The following DHX38 variants were observed in gnomAD, a reference collection of about 807,000 sequenced individuals.
The protein encoded by DHX38 is pre-mRNA-splicing factor ATP-dependent RNA helicase PRP16.
A neutral mutation model predicts 153.1 loss-of-function variants in DHX38; 100 were observed. The ratio of observed to expected loss-of-function variants is 0.65; its 90% CI spans 0.56 to 0.77. The LOEUF (loss-of-function observed/expected upper bound fraction) is 0.77, where lower values mean the gene tolerates loss of function less well. Ranked by LOEUF, DHX38 falls within the 30% of genes least tolerant of loss-of-function variation. DHX38 has a pLI of 0.00. For synonymous variants in DHX38, 650 were observed against 631.7 expected (o/e 1.03, Z -0.43); for missense variants, 1,440 against 1,654.0 (o/e 0.87, Z 2.24).
chr16:72,112,008 C>T lies in DHX38; in HGVS notation c.3600-405C>T, dbSNP rs533961536. ...CACCTCATTAGCATAATCTCTCAAACGAGGGCTGAGGGGCCCCCATGAATA... is the reference window on the plus strand; with the variant it reads ...CACCTCATTAGCATAATCTCTCAAATGAGGGCTGAGGGGCCCCCATGAATA... On this transcript the variant is annotated intron_variant, in intron 26 of 26. Coordinates refer to ENST00000268482, the MANE Select transcript of DHX38 (RefSeq NM_014003.4). 6.7e-5 allele frequency: 14 copies of T among 207,440 alleles called. No individual in the cohort carries two copies. In the South Asian group the frequency reaches 1.4e-3, roughly 20 times the overall value. The allele number at this position is 207,440 out of a possible 1,614,324, so 12.8% of individuals were successfully genotyped here. A position where few individuals can be genotyped will look rare whatever the true frequency, so the allele number is the denominator to read the frequency against.
Position 72,100,578 on chromosome 16 carries a change from G to A in DHX38, c.1259G>A (p.Arg420His), listed in dbSNP as rs775691753. ...HNLVPPFLDG[R>H]IVFTKQPEPV... is the part of the protein sequence containing the mutation. The stretch of plus-strand genomic sequence containing the variant: ...CTGGTGCCTCCCTTTCTGGATGGGC[G>A]CATTGTCTTCACCAAGCAGGTGAGG... The change falls in exon 9 of 27, where the codon CGC becomes CAC. Residue 420 changes from arginine to histidine, a missense_variant. Coordinates refer to ENST00000268482, the MANE Select transcript of DHX38 (RefSeq NM_014003.4). 9.3e-6 allele frequency: 15 copies of A among 1,613,896 alleles called. No individual in the cohort carries two copies. The highest frequency in any genetic ancestry group is 1.2e-5 in the Non-Finnish European group (14 of 1,179,952).
At position 72,101,374 on chromosome 16, in the gene DHX38, C is replaced by T. The variant is rs371853500; in HGVS notation, c.1387-126C>T. ...GAGGCTTGAGGATTGGAATGTGGCT[C>T]GGTGCCACCAGCACTCTGGGGGAGT... On this transcript the variant is annotated intron_variant, in intron 10 of 26. Coordinates refer to ENST00000268482, the MANE Select transcript of DHX38 (RefSeq NM_014003.4). 161 of 1,150,138 alleles carry T rather than the reference C, an allele frequency of 1.4e-4. 1 individual carries two copies. The Middle Eastern group carries it at 2.1e-3, about 15-fold the overall frequency. The allele number at this position is 1,150,138 out of a possible 1,614,324, so 71.2% of individuals were successfully genotyped here.
chr16:72,103,153 G>A lies in DHX38; in HGVS notation c.1579G>A (p.Glu527Lys), dbSNP rs1317574820. The change falls in exon 12 of 27, where the codon GAG becomes AAG. Residue 527 changes from glutamate to lysine, a missense_variant. Coordinates refer to ENST00000268482, the MANE Select transcript of DHX38 (RefSeq NM_014003.4). ...SEFAKKKSIL[E>K]QRQYLPIFAV... ...ATTTGCAAAGAAGAAGTCCATCCTG[G>A]AGCAGAGGCAGTACCTGCCCATCTT... is the stretch of plus-strand genomic sequence containing the variant. 6.2e-7 allele frequency: 1 copy of A among 1,614,224 alleles called. No homozygotes were observed. Among genetic ancestry groups the A allele is most frequent in the East Asian group, 2.2e-5 (1 of 44,886 alleles).
intron 25 of DHX38, 26 bp from the exon 26 acceptor site, chr16:72,110,930 C>T (rs1290608902): frequency 1.9e-6 from 3 of 1,568,304 alleles, no homozygotes; most frequent in Non-Finnish European, 2.6e-6. Flanking sequence ...CCAGTAGGCT[C>T]AGCCAGGTCT....
Position 72,096,415 on chromosome 16 carries a change from G to T in DHX38, c.258G>T (p.Lys86Asn). 1.9e-6 allele frequency: 3 copies of T among 1,614,008 alleles called. No individual in the cohort carries two copies. Among genetic ancestry groups the T allele is most frequent in the Non-Finnish European group, 2.5e-6 (3 of 1,179,956 alleles). ...CCTACAAGGACTGGGAAGAGAGCAA[G>T]GATGACCAGAAGGATGCTGAGGAAG... ...VSSYKDWEES[K>N]DDQKDAEEEG... is the part of the protein sequence containing the mutation. Residue 86 changes from lysine to asparagine, a missense_variant, in exon 2 of 27, where the codon AAG (lysine) becomes AAT (asparagine). By Grantham distance (94) the Lys-to-Asn change is moderately conservative. This residue lies in a region of DHX38 where 483 missense variants were observed against 465.1 expected (regional missense o/e 1.04). Transcript: ENST00000268482.
At chr16:72,095,733 T>C (rs1160071358) in intron 1 of DHX38, among the ~76,000 whole-genome samples, 1 of 152,196 alleles carries the variant, frequency 6.6e-6, no homozygotes, top group East Asian at 1.9e-4. Flanking sequence ...AGGTAGAAAG[T>C]GTCAAGAGCC....
chr16:72,109,033 C>T, intron 24 of DHX38, 108 bp downstream of exon 24: 2 of 1,464,006 alleles, frequency 1.4e-6, no homozygotes, highest in Non-Finnish European at 9.1e-7. Flanking sequence ...GCCTTGAGGC[C>T]ACATGCATTG....
At position 72,097,350 on chromosome 16, in the gene DHX38, T is replaced by G. The variant is rs2042035692; in HGVS notation, c.512-327T>G. On this transcript the variant is annotated intron_variant, in intron 3 of 26. Coordinates refer to ENST00000268482, the MANE Select transcript of DHX38 (RefSeq NM_014003.4). Reference sequence around the variant, plus strand: ...TATGGAACAAAGCTAGACAAAAAAATCCAATGCTGTCCTTGCTCAGTATTA... The same window carrying G: ...TATGGAACAAAGCTAGACAAAAAAAGCCAATGCTGTCCTTGCTCAGTATTA... 7.5e-6 allele frequency: 3 copies of G among 402,570 alleles called. No individual in the cohort carries two copies. In the South Asian group the frequency reaches 1.1e-4, roughly 15 times the overall value. 24.9% of individuals were successfully genotyped at this position (402,570 alleles called of 1,614,324 possible).
At chr16:72,111,789 C>A (rs946716635) in intron 26 of DHX38, among the ~76,000 whole-genome samples, 1 of 152,166 alleles carries the variant, frequency 6.6e-6, no homozygotes, top group Non-Finnish European at 1.5e-5. Flanking sequence ...GAGTTCTTAT[C>A]ATTGGGGTTC....
At chr16:72,097,828 G>T in intron 4 of DHX38, 47 bp downstream of exon 4, 1 of 1,515,310 alleles carries the variant, frequency 6.6e-7, no homozygotes, top group South Asian at 1.2e-5. Flanking sequence ...GTGTATAAAA[G>T]GCAGAGTGAG....
chr16:72,108,092 C>A, intron 21 of DHX38, 135 bp from the exon 22 acceptor site: 1 of 1,110,236 alleles, frequency 9.0e-7, no homozygotes, highest in Non-Finnish European at 1.3e-6. Flanking sequence ...TAATTTTTCT[C>A]AAATTGTCAG....
chr16:72,096,941 C>T lies in DHX38; in HGVS notation c.443C>T (p.Ser148Phe). Reference sequence around the variant, plus strand: ...CGGGAACATGGTGTCTATGCCTCGTCCAAAGAAGAAAAGGATTGGAAGAAG... The same window carrying T: ...CGGGAACATGGTGTCTATGCCTCGTTCAAAGAAGAAAAGGATTGGAAGAAG... ...ERREHGVYAS[S>F]KEEKDWKKEK... The change falls in exon 3 of 27, where the codon TCC becomes TTC. Residue 148 changes from serine (S) to phenylalanine (F), a missense_variant. Around this residue, in one of 6 missense-constraint regions of DHX38, gnomAD observed 483 missense variants for 465.1 expected, o/e 1.04. Coordinates refer to ENST00000268482, the MANE Select transcript of DHX38 (RefSeq NM_014003.4). 1.2e-6 allele frequency: 2 copies of T among 1,613,990 alleles called. No individual in the cohort carries two copies. Among genetic ancestry groups the T allele is most frequent in the Non-Finnish European group, 1.7e-6 (2 of 1,179,974 alleles).
Position 72,097,743 on chromosome 16 carries a change from G to A in DHX38, c.578G>A (p.Arg193Lys), listed in dbSNP as rs2042041288. The A allele has an allele frequency of 6.2e-7, 1 of 1,614,032 alleles. No individual in the cohort carries two copies. ...GATGGAGGGTCAGAGCGTAGCAGCA[G>A]AAGAAATGAACCCGAGAGCCCACGA... ...ERDGGSERSS[R>K]RNEPESPRHR... Residue 193 changes from arginine to lysine, a missense_variant, in exon 4 of 27, where the codon AGA becomes AAA. Arg to Lys is a conservative substitution (Grantham distance 26). Coordinates refer to ENST00000268482, the MANE Select transcript of DHX38 (RefSeq NM_014003.4).
Position 72,105,347 on chromosome 16 carries a change from A to C in DHX38, c.2378A>C (p.Lys793Thr). The C allele has an allele frequency of 1.9e-6, 3 of 1,614,092 alleles. No individual in the cohort carries two copies. The highest frequency in any genetic ancestry group is 2.5e-6 in the Non-Finnish European group (3 of 1,179,956). Residue 793 changes from lysine to threonine, a missense_variant and splice_region_variant, in exon 17 of 27, where the codon AAG becomes ACG. This residue lies in a region of DHX38 where 543 missense variants were observed against 717.9 expected (regional missense o/e 0.76). Transcript: ENST00000268482. ...GACCTCCAGGCCAAAATCTTCCAGA[A>C]GGTGTGTCAGCAGGAATGTCCAGGA... ...PSDLQAKIFQ[K>T]APDGVRKCIV... is the part of the protein sequence containing the mutation.
At chr16:72,100,763 T>G (rs1425866864) in intron 9 of DHX38, among the ~76,000 whole-genome samples, 166 bp downstream of exon 9, 1 of 152,090 alleles carries the variant, frequency 6.6e-6, no homozygotes, top group Non-Finnish European at 1.5e-5. Context: ...AAACCCTGTC[T>G]CAAAAGTACA....
At position 72,104,151 on chromosome 16, in the gene DHX38, GTC is replaced by G. The variant is rs2042139424; in HGVS notation, c.2010+26_2010+27del. On this transcript the variant is annotated intron_variant, in intron 14 of 26. Transcript: ENST00000268482. This position sits in a 1 kb window ranked among gnomAD's most constrained non-coding sequence, Gnocchi z 4.5. ...CGGGAGGTGAGGGCTGTGTGGTTTG[GTC>G]TCTCTGCGCATGGGGTGTTGACCAG... is the stretch of plus-strand genomic sequence containing the variant. 2.5e-6 allele frequency: 4 copies of G among 1,611,102 alleles called. No individual in the cohort carries two copies. The highest frequency in any genetic ancestry group is 2.5e-6 in the Non-Finnish European group (3 of 1,177,784).
rs760788396 is a variant in DHX38, at chr16:72,108,444, C to T, written c.3121-29C>T. On this transcript the variant is annotated intron_variant, in intron 22 of 26. Coordinates refer to ENST00000268482, the MANE Select transcript of DHX38 (RefSeq NM_014003.4). ...GAGGGTCGAGAGGAAAGGAGGGCTC[C>T]CTCCTGGTGCCTCCGTCTCCTGCCC... 3.7e-6 allele frequency: 6 copies of T among 1,613,512 alleles called. No individual in the cohort carries two copies. In the African/African-American group the frequency reaches 8.0e-5, roughly 22 times the overall value.
intron 25 of DHX38, 28 bp from the exon 26 acceptor site, chr16:72,110,928 C>G (rs1387556624): frequency 2.6e-6 from 4 of 1,565,684 alleles, no homozygotes; most frequent in Non-Finnish European, 3.5e-6. Flanking sequence ...CCCCAGTAGG[C>G]TCAGCCAGGT....
Position 72,108,815 on chromosome 16 carries a change from G to A in DHX38, c.3271G>A (p.Val1091Met), listed in dbSNP as rs1398815604. 3 of 1,613,736 alleles carry A rather than the reference G, an allele frequency of 1.9e-6. No homozygotes were observed. Among genetic ancestry groups the A allele is most frequent in the Non-Finnish European group, 2.5e-6 (3 of 1,179,906 alleles). Residue 1091 changes from valine to methionine, a missense_variant, in exon 24 of 27, where the codon GTG (valine) becomes ATG (methionine). Around this residue, in one of 6 missense-constraint regions of DHX38, gnomAD observed 543 missense variants for 717.9 expected, o/e 0.76. Coordinates refer to ENST00000268482, the MANE Select transcript of DHX38 (RefSeq NM_014003.4). ...TCCTCCCTAGGGAATCGGGGAGTAC[G>A]TGAACATCCGCACAGGGATGCCCTG... ...AAKLKGIGEY[V>M]NIRTGMPCHL...
Sources: allele counts gnomAD v4.1 joint callset (sites outside exome capture counted in the v4.1 genomes callset), GRCh38; gene constraint gnomAD v4.1.1; regional missense constraint gnomAD v4.1.1; non-coding constraint Gnocchi (gnomAD v3.1); transcripts MANE v1.5; gene names NCBI Gene and HGNC (gene_info 2026-07-23, HGNC 2026-07-21).